Variants in UNKL observed in about 807,000 individuals in gnomAD.
UNKL encodes unk like zinc finger, also known as putative E3 ubiquitin-protein ligase UNKL.
In UNKL, 60 loss-of-function variants were observed where a neutral mutation model predicts 78.0. That is an observed-to-expected ratio of 0.77 (90% CI 0.63 to 0.95). UNKL has a LOEUF of 0.95. Ranked by LOEUF, UNKL falls within the 40% of genes least tolerant of loss-of-function variation. The pLI is 0.00. For missense variants in UNKL, 1,159 were observed against 1,045.7 expected (o/e 1.11, Z -1.49); for synonymous variants, 608 against 474.8 (o/e 1.28, Z -3.65).
Position 1,401,680 on chromosome 16 carries a change from G to C in UNKL, c.486C>G (p.Ala162=), listed in dbSNP as rs371461881. The C allele has an allele frequency of 1.2e-6, 2 of 1,611,520 alleles. No individual in the cohort carries two copies. The highest frequency in any genetic ancestry group is 4.5e-5 in the East Asian group (2 of 44,840). The change falls in exon 4 of 15, where the codon GCC becomes GCG. Residue 162 remains alanine (A), a synonymous_variant. Transcript: ENST00000389221. ...CDVRELQAQE[A]LQNGQLGGGE... is the part of the protein sequence containing the mutation. Reference sequence around the variant, plus strand: ...CGCCGCCCAGCTGGCCGTTCTGCAAGGCTTCCTGGGCCTGCAGCTCCCTGC... The same window carrying C: ...CGCCGCCCAGCTGGCCGTTCTGCAACGCTTCCTGGGCCTGCAGCTCCCTGC...
In UNKL at chr16:1,397,160, G is replaced by T; in HGVS notation, c.852+18C>A. The stretch of plus-strand genomic sequence containing the variant: ...ACCTTCCAGCGACCCCTACGCCTGG[G>T]GGGTTGGAGGGACGTACCTCGGGAT... On this transcript the variant is annotated intron_variant, in intron 6 of 14. Transcript: ENST00000389221. 6.5e-7 allele frequency: 1 copy of T among 1,546,244 alleles called. No individual in the cohort carries two copies. Among genetic ancestry groups the T allele is most frequent in the Non-Finnish European group, 8.7e-7 (1 of 1,146,318 alleles).
rs556037709 is a variant in UNKL, at chr16:1,375,108, G to A, written c.1265-3497C>T. ...GGTGGCCCCTCGCCCGAGGCCTGGC[G>A]CTCGGCGGTCACACCCCCCGAGCCC... On this transcript the variant is annotated intron_variant, in intron 10 of 14. Coordinates refer to ENST00000389221, the MANE Select transcript of UNKL (RefSeq NM_001372107.1). Among the ~76,000 whole-genome samples, 186 of 152,276 alleles carry A rather than the reference G, an allele frequency of 1.2e-3. 1 individual carries two copies. The highest frequency in any genetic ancestry group is 3.7e-3 in the African/African-American group (153 of 41,572).
rs1412198916 is a variant in UNKL at position 1,399,928 on chromosome 16, G to A, written c.599-419C>T. ...TGCACACCCCGAAATGCCGCATGGT[G>A]AGCCTCATGCGCACCACAGCCTCTG... On this transcript the variant is annotated intron_variant, in intron 4 of 14. Coordinates refer to ENST00000389221, the MANE Select transcript of UNKL (RefSeq NM_001372107.1). The surrounding 1 kb of genome is among the most constrained non-coding windows in gnomAD (Gnocchi z 5.8). Among the ~76,000 whole-genome samples, 3 of 138,464 alleles carry A rather than the reference G, an allele frequency of 2.2e-5. No individual in the cohort carries two copies. The highest frequency in any genetic ancestry group is 1.6e-4 in the Admixed American group (2 of 12,882). 90.8% of individuals were successfully genotyped at this position (138,464 alleles called of 152,430 possible).
intron 10 of UNKL, among the ~76,000 whole-genome samples, chr16:1,384,442 A>C (rs77311549): frequency 0.023 from 3,470 of 152,072 alleles, 136 homozygotes; most frequent in African/African-American, 0.079. Context: ...GCCCAGCACC[A>C]TCACGTGTCT....
In UNKL at chr16:1,399,518, TG is replaced by T. The variant is rs1425531037; in HGVS notation, c.599-10del. Reference sequence around the variant, plus strand: ...CAGCACGAAGTTGGCATCTGAAAAATGGGCCACACGGTGCCTGAGCAGCGCG... The same window carrying T: ...CAGCACGAAGTTGGCATCTGAAAAATGGCCACACGGTGCCTGAGCAGCGCG... On this transcript the variant is annotated splice_polypyrimidine_tract_variant and intron_variant, in intron 4 of 14. Transcript: ENST00000389221. The surrounding 1 kb of genome is among the most constrained non-coding windows in gnomAD (Gnocchi z 5.8). 9 of 1,590,546 alleles carry T rather than the reference TG, an allele frequency of 5.7e-6. No individual in the cohort carries two copies. Among genetic ancestry groups the T allele is most frequent in the Middle Eastern group, 1.7e-4 (1 of 5,914 alleles).
chr16:1,401,420 G>T, intron 4 of UNKL, 148 bp downstream of exon 4: 1 of 1,052,500 alleles, frequency 9.5e-7, no homozygotes, highest in Non-Finnish European at 1.2e-6. Flanking sequence ...GTTGGGGAGG[G>T]CTTGGTATTG....
Position 1,367,726 on chromosome 16 carries a change from A to AC in UNKL, c.1717dup (p.Val573GlyfsTer45). On this transcript the variant is annotated frameshift_variant, in exon 13 of 15. Coordinates refer to ENST00000389221, the MANE Select transcript of UNKL (RefSeq NM_001372107.1). LOFTEE classifies it high-confidence loss of function. ...CTTGGCCTCGTCCAGCTGCCGCCTG[A>AC]CCCGGGCCAGCTCAGCTCCGTTTGG... 1.9e-6 allele frequency: 3 copies of AC among 1,578,764 alleles called. No individual in the cohort carries two copies. The highest frequency in any genetic ancestry group is 2.6e-6 in the Non-Finnish European group (3 of 1,163,512).
chr16:1,377,258 G>A (rs1360080693), intron 10 of UNKL, among the ~76,000 whole-genome samples: 2 of 152,112 alleles, frequency 1.3e-5, no homozygotes, highest in African/African-American at 4.8e-5. Flanking sequence ...CCCACCTCAG[G>A]TGATCTGCTT....
rs552399243 is a variant in UNKL at position 1,405,012 on chromosome 16, G to A, written c.288-1668C>T. Among the ~76,000 whole-genome samples the A allele has an allele frequency of 5.8e-4, 88 of 152,152 alleles. 1 individual carries two copies. In the South Asian group the frequency reaches 0.017, roughly 30 times the overall value. On this transcript the variant is annotated intron_variant, in intron 2 of 14. Coordinates refer to ENST00000389221, the MANE Select transcript of UNKL (RefSeq NM_001372107.1). ...GGTTCAAGACTAGCCTGGGCAACAT[G>A]GTGAGTCCCCATCTCTACAACAAAT... is the stretch of plus-strand genomic sequence containing the variant.
At chr16:1,408,310 C>T (rs2037867387) in intron 2 of UNKL, among the ~76,000 whole-genome samples, 1 of 152,004 alleles carries the variant, frequency 6.6e-6, no homozygotes, top group Admixed American at 6.5e-5. Context: ...GGGCTTCACA[C>T]GTGACCCGGG....
In UNKL at chr16:1,365,037, G is replaced by C. The variant is rs1294187212; in HGVS notation, c.*1203C>G. On this transcript the variant is annotated 3_prime_UTR_variant, in exon 15 of 15. Transcript: ENST00000389221. ...GAGCCAGAGTCTCGCTCTGTCACCC[G>C]GGCTGGAGTGCGGTGGCGCGATCTC... 6.9e-6 allele frequency: 1 copy of C among 145,772 alleles called. No individual in the cohort carries two copies. The highest frequency in any genetic ancestry group is 2.6e-5 in the African/African-American group (1 of 38,484). 9.0% of individuals were successfully genotyped at this position (145,772 alleles called of 1,614,324 possible).
chr16:1,400,560 AG>A (rs1363657618), intron 4 of UNKL, among the ~76,000 whole-genome samples: 1 of 151,440 alleles, frequency 6.6e-6, no homozygotes, highest in Non-Finnish European at 1.5e-5. Flanking sequence ...GCTCATAAGC[AG>A]GGGGGTTCCT....
At chr16:1,400,733 ACTGGAGTGCAGTGGCG>A (rs2037489308) in intron 4 of UNKL, among the ~76,000 whole-genome samples, 1 of 151,586 alleles carries the variant, frequency 6.6e-6, no homozygotes, top group South Asian at 2.1e-4. Flanking sequence ...TGTCACCCAC[ACTGGAGTGCAGTGGCG>A]TGATCTTGGC....
intron 10 of UNKL, chr16:1,379,787 C>T (rs1419919120): frequency 2.4e-6 from 2 of 831,774 alleles, no homozygotes; most frequent in South Asian, 5.4e-5. Flanking sequence ...CTCCCCCAAC[C>T]TTCCCCCCGA....
intron 6 of UNKL, chr16:1,394,628 G>A (rs1372997560): frequency 4.8e-6 from 2 of 415,162 alleles, no homozygotes; most frequent in Non-Finnish European, 9.7e-6. Context: ...CTCTCATGAG[G>A]TCAACAACAC....
chr16:1,377,712 C>T lies in UNKL; in HGVS notation c.1265-6101G>A, dbSNP rs372683171. ...GCCCAACACAGTGGCTCTGCAGCCCCGAGCCCAGATGTCCAGCAGGGGCCA... is the reference window on the plus strand; with the variant it reads ...GCCCAACACAGTGGCTCTGCAGCCCTGAGCCCAGATGTCCAGCAGGGGCCA... On this transcript the variant is annotated intron_variant, in intron 10 of 14. Transcript: ENST00000389221. 1.2e-3 allele frequency among the ~76,000 whole-genome samples: 186 copies of T among 152,268 alleles called. 5 individuals carry two copies. The South Asian group carries it at 0.036, about 29-fold the overall frequency.
At chr16:1,379,868 C>A (rs1268034403) in intron 10 of UNKL, among the ~76,000 whole-genome samples, 1 of 152,050 alleles carries the variant, frequency 6.6e-6, no homozygotes, top group African/African-American at 2.4e-5. Flanking sequence ...GCAGCGGGGG[C>A]CAGAGGTCTT....
At chr16:1,371,139 A>G (rs2035798767) in intron 11 of UNKL, among the ~76,000 whole-genome samples, 1 of 151,958 alleles carries the variant, frequency 6.6e-6, no homozygotes, top group Non-Finnish European at 1.5e-5. Flanking sequence ...TTTGTCTACA[A>G]TGTGAATACA....
chr16:1,414,554 G>A, intron 1 of UNKL, 61 bp downstream of exon 1: 1 of 755,398 alleles, frequency 1.3e-6, no homozygotes, highest in Non-Finnish European at 1.6e-6. Flanking sequence ...GCGAGCCCCG[G>A]CGGGAGGCTC....
Sources: gnomAD v4.1 joint callset for allele counts (sites outside exome capture counted in the v4.1 genomes callset) on GRCh38, gnomAD v4.1.1 for gene constraint, Gnocchi (gnomAD v3.1) non-coding constraint, MANE v1.5 for transcripts, NCBI Gene and HGNC (gene_info 2026-07-23, HGNC 2026-07-21) for gene names.